REC114: variants seen among roughly 807,000 people sequenced by gnomAD.
The protein encoded by REC114 is meiotic recombination protein REC114.
Under a neutral mutation model 31.3 loss-of-function variants are expected in REC114, and 27 were observed. That is an observed-to-expected ratio of 0.86 (90% confidence interval 0.64 to 1.19). The LOEUF (loss-of-function observed/expected upper bound fraction) is 1.19. Among genes scored for constraint, REC114 ranks in the 50% most tolerant of loss-of-function variants. REC114 has a pLI of 0.00. For synonymous variants in REC114, 134 were observed against 127.7 expected, an observed-to-expected ratio of 1.05 and a Z score of -0.33; for missense variants, 344 against 326.9, an observed-to-expected ratio of 1.05 and a Z score of -0.40.
At chr15:73,456,709 G>A (rs1221735144) in intron 1 of REC114, among the ~76,000 whole-genome samples, 2 of 152,078 alleles carry the variant, frequency 1.3e-5, no homozygotes, top group African/African-American at 4.8e-5. Flanking sequence ...ATAGATAAGT[G>A]AACTGAAACT....
At chr15:73,541,681 A>G (rs1894238657) in intron 3 of REC114, among the ~76,000 whole-genome samples, 2 of 152,218 alleles carry the variant, frequency 1.3e-5, no homozygotes, top group Admixed American at 6.5e-5. Flanking sequence ...ACTTAAGCCA[A>G]TAGCCCAGGT....
chr15:73,450,783 ATCTC>A (rs1892834732), intron 1 of REC114, among the ~76,000 whole-genome samples: 1 of 152,076 alleles, frequency 6.6e-6, no homozygotes, highest in South Asian at 2.1e-4. Flanking sequence ...ATAACAAACA[ATCTC>A]TCAGTCCACA....
At chr15:73,474,277 C>T (rs1406373042) in intron 2 of REC114, among the ~76,000 whole-genome samples, 1 of 151,970 alleles carries the variant, frequency 6.6e-6, no homozygotes, top group Non-Finnish European at 1.5e-5. Context: ...GATAGATTTG[C>T]AGAAATAAAG....
At chr15:73,530,603 G>A (rs545458973) in intron 2 of REC114, among the ~76,000 whole-genome samples, 4 of 152,128 alleles carry the variant, frequency 2.6e-5, no homozygotes, top group South Asian at 2.1e-4. Context: ...AGTTATCATC[G>A]TACCACTGCA....
intron 2 of REC114, among the ~76,000 whole-genome samples, chr15:73,476,015 C>T (rs984541097): frequency 1.3e-5 from 2 of 152,102 alleles, no homozygotes; most frequent in African/African-American, 4.8e-5. Context: ...ACATGCTTTA[C>T]AGGTTTGTAG....
intron 2 of REC114, among the ~76,000 whole-genome samples, chr15:73,527,935 A>G (rs1034367535): frequency 6.6e-6 from 1 of 152,226 alleles, no homozygotes; most frequent in Non-Finnish European, 1.5e-5. Flanking sequence ...TGCTAAGGCT[A>G]TATCAAAAGG....
chr15:73,443,199 G>C lies in REC114; in HGVS notation c.14G>C (p.Gly5Ala). Reference sequence around the variant, plus strand: ...GTGAGGCAGGACATGGCGGAGGCAGGAAAAGTGCCCTTGAGCCTCGGGCTT... The same window carrying C: ...GTGAGGCAGGACATGGCGGAGGCAGCAAAAGTGCCCTTGAGCCTCGGGCTT... MAEA[G>A]KVPLSLGLTG... is the part of the protein sequence containing the mutation. Residue 5 changes from glycine to alanine, a missense_variant, in exon 1 of 6, where the codon GGA (glycine) becomes GCA (alanine). Physicochemically the swap from Gly to Ala is moderately conservative, Grantham distance 60 (BLOSUM62 0). Transcript: ENST00000331090. 6.4e-7 allele frequency: 1 copy of C among 1,571,396 alleles called. No homozygotes were observed. Among genetic ancestry groups the C allele is most frequent in the Non-Finnish European group, 8.6e-7 (1 of 1,159,478 alleles).
chr15:73,502,267 T>A (rs561613915), intron 2 of REC114, among the ~76,000 whole-genome samples: 114 of 151,958 alleles, frequency 7.5e-4, no homozygotes, highest in Non-Finnish European at 1.4e-3. Flanking sequence ...GAAAAAAAAA[T>A]ATAAAAGCTG....
chr15:73,498,505 G>A (rs1893558645), intron 2 of REC114, among the ~76,000 whole-genome samples: 1 of 152,106 alleles, frequency 6.6e-6, no homozygotes, highest in Admixed American at 6.6e-5. Context: ...ACCATGAGGT[G>A]GCAAATTCTA....
rs377589955 is a variant in REC114 at position 73,449,693 on chromosome 15, G to C, written c.159+6349G>C. 3.3e-5 allele frequency among the ~76,000 whole-genome samples: 5 copies of C among 152,196 alleles called. No homozygotes were observed. The South Asian group carries it at 1.0e-3, about 32-fold the overall frequency. On this transcript the variant is annotated intron_variant, in intron 1 of 5. Transcript: ENST00000331090. ...AAGGGCAACCCTAAGACATATAATC[G>C]TCAGATACACACCAAGGTTGAAATG...
At chr15:73,451,911 A>C (rs1029503202) in intron 1 of REC114, among the ~76,000 whole-genome samples, 2 of 152,244 alleles carry the variant, frequency 1.3e-5, no homozygotes, top group African/African-American at 2.4e-5. Flanking sequence ...GATGCAGAAA[A>C]GGCCTTTGAC....
intron 4 of REC114, among the ~76,000 whole-genome samples, chr15:73,551,762 T>C (rs974551398): frequency 3.9e-5 from 6 of 152,216 alleles, no homozygotes; most frequent in Non-Finnish European, 7.3e-5. Flanking sequence ...ATTTGGGTAT[T>C]TGGCAGACAT....
At chr15:73,464,152 C>A (rs1893025812) in intron 1 of REC114, among the ~76,000 whole-genome samples, 2 of 151,900 alleles carry the variant, frequency 1.3e-5, no homozygotes, top group Non-Finnish European at 2.9e-5. Context: ...TCTTGTTACA[C>A]ATGATTTCTT....
At chr15:73,481,490 G>T (rs1308072498) in intron 2 of REC114, among the ~76,000 whole-genome samples, 1 of 151,844 alleles carries the variant, frequency 6.6e-6, no homozygotes, top group Non-Finnish European at 1.5e-5. Context: ...GAGATATCTT[G>T]ACCCCATCCT....
intron 2 of REC114, among the ~76,000 whole-genome samples, chr15:73,502,997 A>G (rs1469407091): frequency 1.3e-5 from 2 of 152,238 alleles, no homozygotes; most frequent in African/African-American, 4.8e-5. Context: ...AGAATGGCCA[A>G]GATTAAATGA....
chr15:73,548,387 A>C (rs898918952), intron 3 of REC114, among the ~76,000 whole-genome samples: 1 of 152,220 alleles, frequency 6.6e-6, no homozygotes, highest in African/African-American at 2.4e-5. Flanking sequence ...GATTATAGGC[A>C]TGAGTCACTG....
At chr15:73,493,888 C>A (rs1406024548) in intron 2 of REC114, among the ~76,000 whole-genome samples, 1 of 152,154 alleles carries the variant, frequency 6.6e-6, no homozygotes, top group African/African-American at 2.4e-5. Flanking sequence ...ATTACACATT[C>A]TAGGGCACAG....
intron 2 of REC114, among the ~76,000 whole-genome samples, chr15:73,514,333 G>A (rs895788297): frequency 6.6e-6 from 1 of 151,486 alleles, no homozygotes; most frequent in African/African-American, 2.4e-5. Flanking sequence ...ACTGGCCTGC[G>A]CCCACTGTCT....
At chr15:73,555,807 T>C (rs190972392) in intron 4 of REC114, among the ~76,000 whole-genome samples, 4 of 152,342 alleles carry the variant, frequency 2.6e-5, no homozygotes, top group Admixed American at 2.0e-4. Flanking sequence ...AATCATTTTA[T>C]TGAAAACATC....
Sources: gnomAD v4.1 joint callset for allele counts (sites outside exome capture counted in the v4.1 genomes callset) on GRCh38, gnomAD v4.1.1 for gene constraint, MANE v1.5 for transcripts, NCBI Gene and HGNC (gene_info 2026-07-23, HGNC 2026-07-21) for gene names.